Variants in STK39 observed in about 807,000 individuals in gnomAD.
STK39 encodes serine/threonine kinase 39, also known as STE20/SPS1-related proline-alanine-rich protein kinase.
Under a neutral mutation model 77.8 loss-of-function variants are expected in STK39, and 20 were observed. That is an observed-to-expected ratio of 0.26 (90% confidence interval 0.18 to 0.37). The LOEUF is 0.37. Ranked by LOEUF, STK39 falls within the 10% of genes least tolerant of loss-of-function variation. The pLI, the probability that STK39 is intolerant of heterozygous loss-of-function variation, is 1.00. For missense variants in STK39, 479 were observed against 656.5 expected (o/e 0.73, Z 2.95); for synonymous variants, 246 against 234.1 (o/e 1.05, Z -0.47).
chr2:168,037,573 A>C (rs1684990183), intron 14 of STK39, among the ~76,000 whole-genome samples: 1 of 152,210 alleles, frequency 6.6e-6, no homozygotes. Context: ...AAGACACTTA[A>C]ATAAACTACA....
At chr2:168,150,445 T>C (rs1202405672) in intron 5 of STK39, among the ~76,000 whole-genome samples, 1 of 152,164 alleles carries the variant, frequency 6.6e-6, no homozygotes, top group Non-Finnish European at 1.5e-5. Context: ...CACAGATTTT[T>C]ATGAAATCTT....
chr2:168,100,740 C>T (rs1019060041), intron 10 of STK39, among the ~76,000 whole-genome samples: 11 of 152,304 alleles, frequency 7.2e-5, no homozygotes, highest in African/African-American at 2.6e-4. Context: ...GAAGTAGGAA[C>T]TCTTTTACAC....
chr2:168,213,926 T>C (rs1318216713), intron 1 of STK39, among the ~76,000 whole-genome samples: 3 of 152,128 alleles, frequency 2.0e-5, no homozygotes, highest in Non-Finnish European at 4.4e-5. Flanking sequence ...AAAGGCTAAG[T>C]AGTTCAATTA....
chr2:168,038,059 G>C (rs1374105397), intron 14 of STK39, among the ~76,000 whole-genome samples: 1 of 152,116 alleles, frequency 6.6e-6, no homozygotes, highest in Non-Finnish European at 1.5e-5. Context: ...AGTGAAATAG[G>C]TGTGGTTTAG....
chr2:168,115,015 G>A (rs1338234387), intron 10 of STK39, among the ~76,000 whole-genome samples: 1 of 152,050 alleles, frequency 6.6e-6, no homozygotes, highest in Non-Finnish European at 1.5e-5. Context: ...AACTTTAATG[G>A]CCCCAAGAGT....
chr2:168,085,034 C>T (rs1430430275), intron 10 of STK39, among the ~76,000 whole-genome samples: 2 of 152,224 alleles, frequency 1.3e-5, no homozygotes, highest in Non-Finnish European at 2.9e-5. Context: ...ATCTTGTGGT[C>T]ATGGATCTTC....
chr2:167,991,418 C>T (rs997693098), intron 16 of STK39, among the ~76,000 whole-genome samples: 3 of 152,110 alleles, frequency 2.0e-5, no homozygotes, highest in Non-Finnish European at 4.4e-5. Flanking sequence ...TGAGTTAGAG[C>T]TGTAAAATGA....
At position 167,954,491 on chromosome 2, in the gene STK39, G is replaced by C. The variant is rs1553505524; in HGVS notation, c.*1005C>G. 6.6e-6 allele frequency: 1 copy of C among 152,590 alleles called. No homozygotes were observed. Among genetic ancestry groups the C allele is most frequent in the African/African-American group, 2.4e-5 (1 of 41,428 alleles). The allele number at this position is 152,590 out of a possible 1,614,324, so 9.5% of individuals were successfully genotyped here. A position where few individuals can be genotyped will look rare whatever the true frequency, so the allele number is the denominator to read the frequency against. ...AAAACTCAGATTCTGATATTTTCAAGTTTATCACCTTTAGAATAACAAATC... is the reference window on the plus strand; with the variant it reads ...AAAACTCAGATTCTGATATTTTCAACTTTATCACCTTTAGAATAACAAATC... On this transcript the variant is annotated 3_prime_UTR_variant, in exon 18 of 18. Coordinates refer to ENST00000355999, the MANE Select transcript of STK39 (RefSeq NM_013233.3).
At chr2:167,978,660 A>C (rs560059095) in intron 16 of STK39, among the ~76,000 whole-genome samples, 54 of 152,272 alleles carry the variant, frequency 3.5e-4, no homozygotes, top group African/African-American at 1.1e-3. Flanking sequence ...CATGTTTTTC[A>C]AGTCTGAGTA....
At chr2:168,240,545 C>T (rs1476508497) in intron 1 of STK39, among the ~76,000 whole-genome samples, 1 of 152,126 alleles carries the variant, frequency 6.6e-6, no homozygotes, top group African/African-American at 2.4e-5. Flanking sequence ...GACTTGGTGA[C>T]CAAACAGATG....
intron 2 of STK39, among the ~76,000 whole-genome samples, chr2:168,177,903 T>C (rs982788758): frequency 7.2e-5 from 11 of 152,186 alleles, no homozygotes; most frequent in African/African-American, 2.2e-4. Flanking sequence ...TGCTAAACCA[T>C]TTCTGGGCAA....
At chr2:168,074,292 T>A (rs896746432) in intron 12 of STK39, among the ~76,000 whole-genome samples, 9 of 152,252 alleles carry the variant, frequency 5.9e-5, no homozygotes, top group Admixed American at 5.2e-4. Context: ...ATACATTAAT[T>A]ACTAGGTCTG....
intron 1 of STK39, among the ~76,000 whole-genome samples, chr2:168,183,306 T>C (rs558069485): frequency 1.3e-5 from 2 of 152,226 alleles, no homozygotes; most frequent in African/African-American, 2.4e-5. Context: ...GAAGCCCAAT[T>C]TGTGTTCACT....
intron 1 of STK39, among the ~76,000 whole-genome samples, chr2:168,187,557 C>T (rs756526399): frequency 3.9e-5 from 6 of 152,158 alleles, no homozygotes; most frequent in Non-Finnish European, 7.3e-5. Flanking sequence ...CAAAAAAAGT[C>T]TTTGAAACTG....
chr2:168,210,787 T>C (rs1178843190), intron 1 of STK39, among the ~76,000 whole-genome samples: 2 of 152,218 alleles, frequency 1.3e-5, no homozygotes, highest in African/African-American at 4.8e-5. Flanking sequence ...CCCTAAGTGC[T>C]GAAATTACAG....
intron 2 of STK39, among the ~76,000 whole-genome samples, chr2:168,177,583 A>G (rs1180593028): frequency 6.6e-6 from 1 of 152,210 alleles, no homozygotes; most frequent in Non-Finnish European, 1.5e-5. Context: ...AAGGACTGTT[A>G]TATTTATGGA....
chr2:168,098,936 A>G (rs896550191), intron 10 of STK39, among the ~76,000 whole-genome samples: 20 of 152,252 alleles, frequency 1.3e-4, no homozygotes. Context: ...ACCAGGCCAT[A>G]GAGCATTGCC....
chr2:168,059,144 C>T (rs1685599735), intron 14 of STK39, among the ~76,000 whole-genome samples: 1 of 152,170 alleles, frequency 6.6e-6, no homozygotes, highest in Admixed American at 6.5e-5. Flanking sequence ...CAATAGGGGT[C>T]TGTCTGTTCA....
At chr2:168,145,607 C>A (rs113627402) in intron 5 of STK39, among the ~76,000 whole-genome samples, 57 of 152,258 alleles carry the variant, frequency 3.7e-4, no homozygotes, top group African/African-American at 1.2e-3. Context: ...AAAGCGATTT[C>A]TCCTGCCTAA....
Sources: allele counts gnomAD v4.1 joint callset (sites outside exome capture counted in the v4.1 genomes callset), GRCh38; gene constraint gnomAD v4.1.1; transcripts MANE v1.5; gene names NCBI Gene and HGNC (gene_info 2026-07-23, HGNC 2026-07-21).